The following CPLX1 variants were observed in gnomAD, a reference collection of about 807,000 sequenced individuals.
CPLX1 encodes the protein complexin-1.
In CPLX1, 6 loss-of-function variants were observed where a neutral mutation model predicts 15.6. That is an observed-to-expected ratio of 0.39 (90% CI 0.21 to 0.76). The LOEUF (loss-of-function observed/expected upper bound fraction) is 0.76, where lower values mean the gene tolerates loss of function less well. Ranked by LOEUF, CPLX1 falls within the 30% of genes least tolerant of loss-of-function variation. The pLI, the probability that CPLX1 is intolerant of heterozygous loss-of-function variation, is 0.43. For missense variants in CPLX1, 242 were observed against 188.6 expected (o/e 1.28, Z -1.66); for synonymous variants, 91 against 75.2 (o/e 1.21, Z -1.08).
At chr4:798,322 A>G (rs147928873) in intron 2 of CPLX1, among the ~76,000 whole-genome samples, 59 of 152,090 alleles carry the variant, frequency 3.9e-4, no homozygotes, top group African/African-American at 1.4e-3. Flanking sequence ...TGGAAAGTAT[A>G]GAAAGTCCAG....
At position 788,076 on chromosome 4, in the gene CPLX1, G is replaced by A. The variant is rs113743819; in HGVS notation, c.208-1378C>T. The A allele has an allele frequency of 8.4e-4, 827 of 985,444 alleles. 6 individuals are homozygous for A. The African/African-American group carries it at 0.013, about 16-fold the overall frequency. The allele number at this position is 985,444 out of a possible 1,614,324, so 61.0% of individuals were successfully genotyped here. A position where few individuals can be genotyped will look rare whatever the true frequency, so the allele number is the denominator to read the frequency against. On this transcript the variant is annotated intron_variant, in intron 3 of 3. Transcript: ENST00000304062. ...GGGCACCAGCACTCTACAGGACGGA[G>A]GAGCACACCGCGGGATCACCAGCCA... is the stretch of plus-strand genomic sequence containing the variant.
chr4:803,338 G>A (rs1421927097), intron 2 of CPLX1, among the ~76,000 whole-genome samples: 3 of 152,206 alleles, frequency 2.0e-5, no homozygotes, highest in African/African-American at 7.2e-5. Flanking sequence ...ACAGCAGGCC[G>A]CATGTACGAC....
intron 2 of CPLX1, among the ~76,000 whole-genome samples, chr4:803,435 G>A (rs1374131942): frequency 2.0e-5 from 3 of 152,100 alleles, no homozygotes. Context: ...CTGTCGCCCA[G>A]GCTGGTGTAC....
In CPLX1 at chr4:785,466, G is replaced by A. The variant is rs1745952654; in HGVS notation, c.*1035C>T. On this transcript the variant is annotated 3_prime_UTR_variant, in exon 4 of 4. Transcript: ENST00000304062. ...CCGGGGGCGAGGCGGCGCCTGTCAA[G>A]ATAAAACTCATTAAATGCAAAGACC... is the stretch of plus-strand genomic sequence containing the variant. 6.6e-6 allele frequency: 1 copy of A among 152,610 alleles called. No homozygotes were observed. The highest frequency in any genetic ancestry group is 1.5e-5 in the Non-Finnish European group (1 of 68,050). 9.5% of individuals were successfully genotyped at this position (152,610 alleles called of 1,614,324 possible).
At chr4:810,944 G>A (rs556757324) in intron 2 of CPLX1, among the ~76,000 whole-genome samples, 24 of 152,002 alleles carry the variant, frequency 1.6e-4, no homozygotes, top group East Asian at 7.8e-4. Flanking sequence ...TGATCCGCCC[G>A]CCTCAGCCTC....
At chr4:793,261 G>C (rs979647928) in intron 2 of CPLX1, among the ~76,000 whole-genome samples, 6 of 152,162 alleles carry the variant, frequency 3.9e-5, no homozygotes, top group Non-Finnish European at 7.4e-5. Flanking sequence ...GACCCCTGGG[G>C]CAGAAGCTGG....
At chr4:819,100 C>T (rs1290493258) in intron 2 of CPLX1, among the ~76,000 whole-genome samples, 4 of 152,240 alleles carry the variant, frequency 2.6e-5, no homozygotes, top group Admixed American at 6.5e-5. Context: ...GCTCCCCGTG[C>T]GAGTCCAGCA....
At chr4:796,516 T>C (rs1002132404) in intron 2 of CPLX1, among the ~76,000 whole-genome samples, 1 of 152,188 alleles carries the variant, frequency 6.6e-6, no homozygotes, top group East Asian at 1.9e-4. Flanking sequence ...AACTCCTGAC[T>C]GCCTGATCCG....
chr4:787,006 C>T (rs1746015367), intron 3 of CPLX1: 4 of 985,278 alleles, frequency 4.1e-6, no homozygotes, highest in South Asian at 4.7e-5. Flanking sequence ...CAGCCCAGCC[C>T]CTGGCATCCT....
Position 786,639 on chromosome 4 carries a change from G to A in CPLX1, c.267C>T (p.Asn89=). 1 of 1,612,544 alleles carries A rather than the reference G, an allele frequency of 6.2e-7. No homozygotes were observed. The highest frequency in any genetic ancestry group is 2.2e-5 in the East Asian group (1 of 44,818). The change falls in exon 4 of 4, where the codon AAC becomes AAT. Residue 89 remains asparagine (N), a synonymous_variant. Transcript: ENST00000304062. ...TGGGCCGCGTCAAGCTCCCCTCGGA[G>A]TTGGCCTCCATGGCGGCCTGGGCCT... ...EAEAQAAMEA[N]SEGSLTRPKK... is the part of the protein sequence containing the mutation.
chr4:823,482 C>T (rs1746911569), intron 2 of CPLX1, among the ~76,000 whole-genome samples: 2 of 152,204 alleles, frequency 1.3e-5, no homozygotes, highest in Non-Finnish European at 1.5e-5. Context: ...GGAGGCCTGA[C>T]TCACTCCAAG....
chr4:804,505 G>C (rs577291579), intron 2 of CPLX1, among the ~76,000 whole-genome samples: 1 of 151,654 alleles, frequency 6.6e-6, no homozygotes, highest in African/African-American at 2.4e-5. Flanking sequence ...ACCTATATCA[G>C]AAAAAAATCA....
At chr4:811,293 C>A (rs1746661399) in intron 2 of CPLX1, among the ~76,000 whole-genome samples, 1 of 152,136 alleles carries the variant, frequency 6.6e-6, no homozygotes, top group East Asian at 1.9e-4. Flanking sequence ...CAGGTGCATA[C>A]CACTGTGCCC....
intron 2 of CPLX1, among the ~76,000 whole-genome samples, chr4:824,173 G>A (rs966100343): frequency 1.3e-5 from 2 of 152,246 alleles, no homozygotes; most frequent in Non-Finnish European, 2.9e-5. Flanking sequence ...CTACGCCAGA[G>A]TGTGCACCCT....
intron 2 of CPLX1, among the ~76,000 whole-genome samples, chr4:806,405 G>A (rs747620390): frequency 7.2e-5 from 11 of 152,106 alleles, no homozygotes; most frequent in Non-Finnish European, 1.5e-4. Context: ...AACTCAAGGT[G>A]AATTAAAGAT....
intron 1 of CPLX1, among the ~76,000 whole-genome samples, chr4:825,660 G>T (rs541822166): frequency 1.2e-4 from 18 of 151,892 alleles, no homozygotes; most frequent in African/African-American, 4.1e-4. Flanking sequence ...AAGCGAGGAG[G>T]AGGCCGGGCG....
intron 2 of CPLX1, among the ~76,000 whole-genome samples, chr4:807,763 C>T (rs536652861): frequency 1.8e-4 from 28 of 152,222 alleles, no homozygotes; most frequent in East Asian, 9.7e-4. Flanking sequence ...AAATTACAGG[C>T]GTGAGCCACC....
chr4:792,459 C>A lies in CPLX1; in HGVS notation c.181G>T (p.Ala61Ser). The change falls in exon 3 of 4, where the codon GCC becomes TCC. Residue 61 changes from alanine to serine, a missense_variant. Ala to Ser is a moderately conservative substitution (Grantham distance 99). Transcript: ENST00000304062. ...KYAKMEAEREAVRQGIRDKYG... is the reference protein window; with the variant it reads ...KYAKMEAERESVRQGIRDKYG... Reference sequence around the variant, plus strand: ...TTGTCTCGGATGCCCTGGCGCACGGCCTCGCGCTCCGCCTCCATCTTGGCG... The same window carrying A: ...TTGTCTCGGATGCCCTGGCGCACGGACTCGCGCTCCGCCTCCATCTTGGCG... 6.2e-7 allele frequency: 1 copy of A among 1,607,098 alleles called. No homozygotes were observed. The highest frequency in any genetic ancestry group is 8.5e-7 in the Non-Finnish European group (1 of 1,177,412).
chr4:795,805 T>TGGGGGGGGGGGG (rs113411399), intron 2 of CPLX1, among the ~76,000 whole-genome samples: 11 of 93,384 alleles, frequency 1.2e-4, no homozygotes, highest in South Asian at 3.8e-4. Context: ...GGAGAGGGGG[T>TGGGGGGGGGGGG]GGGGGGGGGG....
Sources: allele counts gnomAD v4.1 joint callset (sites outside exome capture counted in the v4.1 genomes callset), GRCh38; gene constraint gnomAD v4.1.1; transcripts MANE v1.5; gene names NCBI Gene and HGNC (gene_info 2026-07-23, HGNC 2026-07-21).